The following CHODL variants were observed in gnomAD, a reference collection of about 807,000 sequenced individuals.
The protein encoded by CHODL is chondrolectin.
A neutral mutation model predicts 34.5 loss-of-function variants in CHODL; 29 were observed. The ratio of observed to expected loss-of-function variants is 0.84; its 90% CI spans 0.63 to 1.15. CHODL has a LOEUF of 1.15. CHODL is among the 50% of genes most tolerant of loss of function. The pLI, the probability that CHODL is intolerant of heterozygous loss-of-function variation, is 0.00. For synonymous variants in CHODL, 125 were observed against 116.1 expected (o/e 1.08, Z -0.49); for missense variants, 332 against 332.5 (o/e 1.00, Z 0.01).
intron 1 of CHODL, among the ~76,000 whole-genome samples, chr21:18,009,126 C>G (rs1266617859): frequency 6.6e-6 from 1 of 152,148 alleles, no homozygotes; most frequent in Non-Finnish European, 1.5e-5. Context: ...CCGTCATAGA[C>G]AATTGAGTCC....
At chr21:18,210,192 C>G (rs1044796780) in intron 2 of CHODL, among the ~76,000 whole-genome samples, 1 of 152,162 alleles carries the variant, frequency 6.6e-6, no homozygotes, top group Admixed American at 6.5e-5. Flanking sequence ...TCTCCTCTGG[C>G]TAGGGCTGGT....
Position 18,256,671 on chromosome 21 carries a change from A to G in CHODL, c.242A>G (p.Glu81Gly). The change falls in exon 2 of 6, where the codon GAG becomes GGG. Residue 81 changes from glutamate to glycine, a missense_variant. Glu to Gly is a moderately conservative substitution (Grantham distance 98, BLOSUM62 -2). Transcript: ENST00000299295. Reference protein sequence around the residue: ...LENEAEQKLIESMLQNLTKPG... With the variant: ...LENEAEQKLIGSMLQNLTKPG... ...AATGAAGCAGAACAGAAGTTAATAG[A>G]GAGCATGTTGCAAAACCTGACAAAA... is the stretch of plus-strand genomic sequence containing the variant. The G allele has an allele frequency of 6.2e-7, 1 of 1,614,094 alleles. No individual in the cohort carries two copies. Among genetic ancestry groups the G allele is most frequent in the Non-Finnish European group, 8.5e-7 (1 of 1,179,990 alleles).
chr21:18,231,916 A>G (rs1421411254), intron 2 of CHODL, among the ~76,000 whole-genome samples: 1 of 151,954 alleles, frequency 6.6e-6, no homozygotes, highest in Non-Finnish European at 1.5e-5. Context: ...AGTTTTATAT[A>G]ATAAAATGAT....
At chr21:18,185,422 T>C (rs1350166069) in intron 2 of CHODL, among the ~76,000 whole-genome samples, 1 of 152,224 alleles carries the variant, frequency 6.6e-6, no homozygotes, top group Non-Finnish European at 1.5e-5. Context: ...CAGCCTATCA[T>C]TGATGAGCAT....
chr21:18,218,015 C>T (rs1364458965), intron 2 of CHODL, among the ~76,000 whole-genome samples: 1 of 152,218 alleles, frequency 6.6e-6, no homozygotes, highest in African/African-American at 2.4e-5. Flanking sequence ...TGTACAGTCC[C>T]ACTCTGGGCT....
In CHODL at chr21:17,946,288, G is replaced by A. The variant is rs985917905; in HGVS notation, c.-145+28888G>A. ...TAAAAAATTAGCCAGGTGTGGTGGCGGGTGCCTGTGGTCCCAGCTACTCGG... is the reference window on the plus strand; with the variant it reads ...TAAAAAATTAGCCAGGTGTGGTGGCAGGTGCCTGTGGTCCCAGCTACTCGG... On this transcript the variant is annotated intron_variant, in intron 1 of 6. Coordinates refer to the CHODL transcript ENST00000400127. 9.9e-5 allele frequency among the ~76,000 whole-genome samples: 15 copies of A among 152,158 alleles called. No homozygotes were observed. The East Asian group carries it at 2.5e-3, about 26-fold the overall frequency.
At chr21:18,186,607 C>T (rs2073444256) in intron 2 of CHODL, among the ~76,000 whole-genome samples, 1 of 152,132 alleles carries the variant, frequency 6.6e-6, no homozygotes, top group African/African-American at 2.4e-5. Flanking sequence ...AATCAAAACA[C>T]ATATTTACAT....
At chr21:18,079,396 A>T (rs1474167136) in intron 2 of CHODL, among the ~76,000 whole-genome samples, 2 of 147,916 alleles carry the variant, frequency 1.4e-5, no homozygotes, top group African/African-American at 5.0e-5. Flanking sequence ...ATAGAATATT[A>T]TATATATATC....
intron 1 of CHODL, among the ~76,000 whole-genome samples, chr21:17,938,545 C>T (rs1438105915): frequency 1.6e-5 from 2 of 128,380 alleles, no homozygotes; most frequent in Non-Finnish European, 3.1e-5. Flanking sequence ...GTGGCTCGAT[C>T]TCGGCTCACT....
At chr21:18,105,825 A>C (rs1568888866) in intron 2 of CHODL, among the ~76,000 whole-genome samples, 1 of 152,190 alleles carries the variant, frequency 6.6e-6, no homozygotes, top group Non-Finnish European at 1.5e-5. Flanking sequence ...GTTCCCTGAG[A>C]GGGTCCAGAA....
chr21:18,251,957 A>C (rs1235534704), intron 1 of CHODL, among the ~76,000 whole-genome samples: 1 of 151,838 alleles, frequency 6.6e-6, no homozygotes, highest in African/African-American at 2.4e-5. Flanking sequence ...AATCCAGTGC[A>C]GAAAAACTTA....
intron 2 of CHODL, among the ~76,000 whole-genome samples, chr21:18,106,494 TC>T (rs1184375510): frequency 4.9e-5 from 6 of 121,774 alleles, no homozygotes; most frequent in African/African-American, 1.9e-4. Context: ...TTTTTCTTTT[TC>T]TTTTTCTTTT....
At chr21:18,160,002 G>C (rs890950615) in intron 2 of CHODL, among the ~76,000 whole-genome samples, 4 of 152,328 alleles carry the variant, frequency 2.6e-5, no homozygotes, top group Non-Finnish European at 5.9e-5. Context: ...TGTAGATCTA[G>C]ATAGCTGTAA....
intron 1 of CHODL, among the ~76,000 whole-genome samples, chr21:17,980,412 AT>A (rs2063704724): frequency 6.6e-6 from 1 of 152,176 alleles, no homozygotes; most frequent in African/African-American, 2.4e-5. Context: ...AAAATATTGC[AT>A]TTCCTAAATT....
intron 1 of CHODL, among the ~76,000 whole-genome samples, chr21:17,949,920 A>T (rs996936207): frequency 6.6e-6 from 1 of 152,220 alleles, no homozygotes; most frequent in Non-Finnish European, 1.5e-5. Flanking sequence ...GGATTGAGGA[A>T]CATCTGCAAT....
At chr21:18,106,949 A>G (rs748392874) in intron 2 of CHODL, among the ~76,000 whole-genome samples, 11 of 152,170 alleles carry the variant, frequency 7.2e-5, no homozygotes, top group Non-Finnish European at 1.0e-4. Flanking sequence ...ACAGAAGGAA[A>G]GAGTATGCTT....
intron 1 of CHODL, among the ~76,000 whole-genome samples, chr21:18,249,982 G>T (rs575458500): frequency 1.1e-4 from 16 of 152,176 alleles, no homozygotes; most frequent in African/African-American, 3.6e-4. Context: ...TCTATAAGAG[G>T]GACCTTTCTG....
At chr21:18,132,736 A>G (rs972661294) in intron 2 of CHODL, among the ~76,000 whole-genome samples, 1 of 152,068 alleles carries the variant, frequency 6.6e-6, no homozygotes, top group African/African-American at 2.4e-5. Flanking sequence ...TTGTTTTTGT[A>G]TATTAACATG....
At chr21:18,187,847 T>A (rs564941370) in intron 2 of CHODL, among the ~76,000 whole-genome samples, 233 of 152,312 alleles carry the variant, frequency 1.5e-3, no homozygotes, top group Middle Eastern at 6.8e-3. Flanking sequence ...ATTCTTATCT[T>A]GAATAAAAGA....
Sources: gnomAD v4.1 joint callset for allele counts (sites outside exome capture counted in the v4.1 genomes callset) on GRCh38, gnomAD v4.1.1 for gene constraint, MANE v1.5 for transcripts, NCBI Gene and HGNC (gene_info 2026-07-23, HGNC 2026-07-21) for gene names.